Variants in EDA observed in about 807,000 individuals in gnomAD.
EDA encodes the protein ectodysplasin A.
EDA carries 2 observed loss-of-function variants against 23.6 expected under a neutral mutation model. The ratio of observed to expected loss-of-function variants is 0.08; its 90% confidence interval spans 0.03 to 0.27. The LOEUF (loss-of-function observed/expected upper bound fraction) is 0.27, where lower values mean the gene tolerates loss of function less well. Ranked by LOEUF, EDA falls within the 10% of genes least tolerant of loss-of-function variation. The probability of loss-of-function intolerance (pLI) is 1.00; values close to 1 mark genes in which losing one functional copy is unlikely to be tolerated. For synonymous variants in EDA, 131 were observed against 132.0 expected (o/e 0.99, Z 0.05); for missense variants, 229 against 324.2 (o/e 0.71, Z 2.26).
chrX:69,933,107 A>G (rs746800071), intron 1 of EDA, among the ~76,000 whole-genome samples: 3 of 111,254 alleles, frequency 2.7e-5, no homozygotes, highest in Admixed American at 1.9e-4. Context: ...TTTACTTTTT[A>G]CATTGCCAAG....
intron 1 of EDA, among the ~76,000 whole-genome samples, chrX:69,621,298 G>A (rs972775988): frequency 8.9e-6 from 1 of 112,074 alleles, no homozygotes; most frequent in African/African-American, 3.2e-5. Flanking sequence ...TAACTCCTCT[G>A]TAAATACTCA....
chrX:70,010,429 C>T (rs1485482763), intron 2 of EDA, among the ~76,000 whole-genome samples: 1 of 111,964 alleles, frequency 8.9e-6, no homozygotes, highest in Non-Finnish European at 1.9e-5. Context: ...CTATCCCAGC[C>T]TTCTTTTGAT....
chrX:69,879,429 G>A (rs956160392), intron 1 of EDA, among the ~76,000 whole-genome samples: 1 of 111,570 alleles, frequency 9.0e-6, no homozygotes, highest in Non-Finnish European at 1.9e-5. Context: ...CCAAGTGGCT[G>A]TAAGAAAGAA....
chrX:69,726,477 C>T, intron 1 of EDA, among the ~76,000 whole-genome samples: 1 of 112,239 alleles, frequency 8.9e-6, no homozygotes, highest in Middle Eastern at 4.6e-3. Context: ...TCACCACCTG[C>T]CAAAAGCAAA....
intron 1 of EDA, among the ~76,000 whole-genome samples, chrX:69,746,291 C>G (rs1267408076): frequency 1.8e-5 from 2 of 111,662 alleles, no homozygotes; most frequent in African/African-American, 3.3e-5. Flanking sequence ...TTTAAGGAAG[C>G]TGACTTGCTC....
At chrX:69,787,836 C>A (rs983057716) in intron 1 of EDA, among the ~76,000 whole-genome samples, 2 of 110,613 alleles carry the variant, frequency 1.8e-5, no homozygotes, top group African/African-American at 6.6e-5. Flanking sequence ...TGAATGTTGG[C>A]CTGCCTTGCT....
intron 1 of EDA, among the ~76,000 whole-genome samples, chrX:69,833,528 G>T (rs772768831): frequency 9.1e-6 from 1 of 110,251 alleles, no homozygotes; most frequent in Non-Finnish European, 1.9e-5. Context: ...TCTCTGCCAG[G>T]CTTTGATATC....
chrX:69,829,746 C>T (rs1424711247), intron 1 of EDA, among the ~76,000 whole-genome samples: 1 of 111,921 alleles, frequency 8.9e-6, no homozygotes, highest in African/African-American at 3.2e-5. Flanking sequence ...AGATGACCAC[C>T]TGCTTGCCTT....
At chrX:69,708,477 C>T (rs1469069038) in intron 1 of EDA, among the ~76,000 whole-genome samples, 2 of 72,578 alleles carry the variant, frequency 2.8e-5, no homozygotes, top group Non-Finnish European at 5.2e-5. Context: ...ATGGAGGCTT[C>T]ACACATGTAT....
intron 2 of EDA, among the ~76,000 whole-genome samples, chrX:70,017,294 G>A (rs2019964689): frequency 1.8e-5 from 2 of 111,919 alleles, no homozygotes; most frequent in African/African-American, 6.5e-5. Flanking sequence ...TAGAAGAGTT[G>A]GTACCATTCC....
In EDA at chrX:69,664,207, G is replaced by A. The variant is rs189967441; in HGVS notation, c.396+47503G>A. On this transcript the variant is annotated intron_variant, in intron 1 of 7. Coordinates refer to ENST00000374552, the MANE Select transcript of EDA (RefSeq NM_001399.5). The stretch of plus-strand genomic sequence containing the variant: ...TGGAATGATATGGTTTGGCTGTGTC[G>A]CCACCCAAATCTCATCTTGAATTGT... Among the ~76,000 whole-genome samples the A allele has an allele frequency of 6.3e-4, 70 of 111,565 alleles. No homozygotes were observed. The South Asian group carries it at 0.014, about 22-fold the overall frequency.
intron 1 of EDA, among the ~76,000 whole-genome samples, chrX:69,626,017 A>T (rs1266328160): frequency 9.0e-6 from 1 of 111,688 alleles, no homozygotes; most frequent in Admixed American, 9.5e-5. Flanking sequence ...AACAGATATT[A>T]TACCACAAAT....
chrX:69,754,530 A>G (rs769094075), intron 1 of EDA, among the ~76,000 whole-genome samples: 11 of 111,283 alleles, frequency 9.9e-5, no homozygotes, highest in Admixed American at 5.7e-4. Flanking sequence ...GGTGAATCTG[A>G]CAATTATATG....
At chrX:69,894,679 G>A (rs1228801209) in intron 1 of EDA, among the ~76,000 whole-genome samples, 1 of 111,349 alleles carries the variant, frequency 9.0e-6, no homozygotes, top group Admixed American at 9.6e-5. Context: ...TTGTGAGTGG[G>A]ATTGCATTCT....
intron 1 of EDA, among the ~76,000 whole-genome samples, chrX:69,704,032 A>T (rs1037610142): frequency 9.8e-5 from 11 of 111,891 alleles, no homozygotes; most frequent in African/African-American, 3.3e-4. Context: ...AAAGAGTTGA[A>T]CTCTGTAAAA....
At chrX:69,756,981 G>A (rs915074062) in intron 1 of EDA, 1 of 111,693 alleles carries the variant, frequency 9.0e-6, no homozygotes, top group African/African-American at 3.3e-5. Flanking sequence ...CATTGACAGA[G>A]TGAGGTGAGC....
chrX:69,827,304 T>G (rs1181087709), intron 1 of EDA, among the ~76,000 whole-genome samples: 1 of 112,482 alleles, frequency 8.9e-6, no homozygotes, highest in African/African-American at 3.2e-5. Context: ...TTTTCCAACT[T>G]GGTTCCATTC....
At chrX:69,704,338 TGTG>T (rs1356854463) in intron 1 of EDA, among the ~76,000 whole-genome samples, 4 of 111,877 alleles carry the variant, frequency 3.6e-5, no homozygotes, top group African/African-American at 6.5e-5. Context: ...GATAAGAGGT[TGTG>T]GAGACCAAGA....
chrX:69,655,759 A>AATCT (rs1555977645), intron 1 of EDA, among the ~76,000 whole-genome samples: 3 of 39,370 alleles, frequency 7.6e-5, no homozygotes, highest in Admixed American at 3.5e-4. Context: ...ACATCATTAG[A>AATCT]ATCTATATAT....
Sources: allele counts gnomAD v4.1 joint callset (sites outside exome capture counted in the v4.1 genomes callset), GRCh38; gene constraint gnomAD v4.1.1; transcripts MANE v1.5; gene names NCBI Gene and HGNC (gene_info 2026-07-23, HGNC 2026-07-21).